The following KCNAB1 variants were observed in gnomAD, a reference collection of about 807,000 sequenced individuals.
KCNAB1 encodes the protein potassium voltage-gated channel subfamily A regulatory beta subunit 1, also known as voltage-gated potassium channel subunit beta-1.
Under a neutral mutation model 64.6 loss-of-function variants are expected in KCNAB1, and 35 were observed. That is an observed-to-expected ratio of 0.54 (90% CI 0.41 to 0.72). The LOEUF (loss-of-function observed/expected upper bound fraction) is 0.72, where lower values mean the gene tolerates loss of function less well. Ranked by LOEUF, KCNAB1 falls within the 30% of genes least tolerant of loss-of-function variation. KCNAB1 has a pLI of 0.00. For missense variants in KCNAB1, 401 were observed against 512.9 expected (o/e 0.78, Z 2.11); for synonymous variants, 177 against 183.8 (o/e 0.96, Z 0.30).
Position 156,536,681 on chromosome 3 carries a change from T to C in KCNAB1, c.1194T>C (p.His398=), listed in dbSNP as rs1388788818. 6.2e-7 allele frequency: 1 copy of C among 1,612,642 alleles called. No homozygotes were observed. Among genetic ancestry groups the C allele is most frequent in the East Asian group, 2.2e-5 (1 of 44,878 alleles). ...AIQVLPKMTS[H]VVNEIDNILR... ...AGGTTCTCCCAAAGATGACATCACA[T>C]GTGGTAAATGAGATTGATAACATAC... Residue 398 remains histidine, a synonymous_variant, in exon 14 of 14, where the codon CAT becomes CAC. Coordinates refer to ENST00000490337, the MANE Select transcript of KCNAB1 (RefSeq NM_172160.3).
intron 1 of KCNAB1, among the ~76,000 whole-genome samples, chr3:156,240,323 T>A (rs945119980): frequency 7.9e-5 from 12 of 152,194 alleles, no homozygotes; most frequent in Admixed American, 2.0e-4. Flanking sequence ...TTTCTTTCTA[T>A]TTTTTCCTTC....
intron 1 of KCNAB1, among the ~76,000 whole-genome samples, chr3:156,310,696 C>T (rs948484013): frequency 1.3e-5 from 2 of 152,068 alleles, no homozygotes; most frequent in South Asian, 2.1e-4. Context: ...CCCAGCTACT[C>T]GGGAGGCTGA....
At chr3:156,481,847 C>T (rs546813054) in intron 8 of KCNAB1, among the ~76,000 whole-genome samples, 2 of 152,202 alleles carry the variant, frequency 1.3e-5, no homozygotes, top group East Asian at 3.9e-4. Context: ...CATAAAGCAC[C>T]ATCTGAATGA....
At chr3:156,130,384 A>T (rs569147701) in intron 1 of KCNAB1, among the ~76,000 whole-genome samples, 19 of 152,194 alleles carry the variant, frequency 1.2e-4, no homozygotes, top group Non-Finnish European at 2.4e-4. Context: ...AAAGTCTATG[A>T]CATCTGCCTT....
In KCNAB1 at chr3:156,268,208, A is replaced by AT. The variant is rs575949167; in HGVS notation, c.275+147328dup. ...TTGTTGCAAATGATAGAATCTCTTT[A>AT]TTTTTTATGGCCGAATAAAATTCCA... On this transcript the variant is annotated intron_variant, in intron 1 of 13. Coordinates refer to ENST00000490337, the MANE Select transcript of KCNAB1 (RefSeq NM_172160.3). Among the ~76,000 whole-genome samples, 16 of 152,180 alleles carry AT rather than the reference A, an allele frequency of 1.1e-4. No individual in the cohort carries two copies. The East Asian group carries it at 1.7e-3, about 17-fold the overall frequency.
At chr3:156,522,758 C>CAG (rs1324837647) in intron 11 of KCNAB1, among the ~76,000 whole-genome samples, 1 of 152,222 alleles carries the variant, frequency 6.6e-6, no homozygotes, top group African/African-American at 2.4e-5. Flanking sequence ...CATGTGGGTG[C>CAG]AGTGTCCATG....
intron 1 of KCNAB1, among the ~76,000 whole-genome samples, chr3:156,377,657 A>G (rs1359520371): frequency 6.6e-6 from 1 of 152,160 alleles, no homozygotes; most frequent in East Asian, 1.9e-4. Flanking sequence ...GAAGAAAGGA[A>G]ATGCCTATTG....
intron 2 of KCNAB1, among the ~76,000 whole-genome samples, chr3:156,435,523 C>T (rs1716528443): frequency 6.6e-6 from 1 of 152,116 alleles, no homozygotes; most frequent in Admixed American, 6.5e-5. Flanking sequence ...GGGTTTTTGT[C>T]AGGCAGGTGC....
intron 1 of KCNAB1, among the ~76,000 whole-genome samples, chr3:156,137,722 T>TG: frequency 6.6e-6 from 1 of 150,938 alleles, no homozygotes; most frequent in East Asian, 2.0e-4. Context: ...ATTTTTTTTT[T>TG]TTTTTGTATT....
intron 2 of KCNAB1, among the ~76,000 whole-genome samples, chr3:156,433,358 C>T (rs959596525): frequency 1.3e-5 from 2 of 152,192 alleles, no homozygotes; most frequent in Admixed American, 6.5e-5. Flanking sequence ...TCAATATACA[C>T]TCATTTATGG....
chr3:156,429,791 A>G (rs1716080500), intron 2 of KCNAB1, among the ~76,000 whole-genome samples: 1 of 152,186 alleles, frequency 6.6e-6, no homozygotes, highest in African/African-American at 2.4e-5. Context: ...GACACTTGAG[A>G]GGTAGTTTTA....
At chr3:156,281,361 G>T (rs1243894167) in intron 1 of KCNAB1, among the ~76,000 whole-genome samples, 10 of 151,980 alleles carry the variant, frequency 6.6e-5, no homozygotes, top group African/African-American at 2.2e-4. Flanking sequence ...GCTGGATTCG[G>T]TTTGCCAGTA....
At chr3:156,162,130 A>G (rs1307736699) in intron 1 of KCNAB1, among the ~76,000 whole-genome samples, 1 of 152,206 alleles carries the variant, frequency 6.6e-6, no homozygotes, top group Non-Finnish European at 1.5e-5. Flanking sequence ...GATTGGGCAC[A>G]TAACAGCCTT....
At chr3:156,223,861 C>T (rs188837491) in intron 1 of KCNAB1, among the ~76,000 whole-genome samples, 214 of 152,364 alleles carry the variant, frequency 1.4e-3, no homozygotes, top group African/African-American at 5.0e-3. Context: ...CAGTGTATCC[C>T]GCACTGGGGC....
chr3:156,160,473 CA>C (rs1199145498), intron 1 of KCNAB1, among the ~76,000 whole-genome samples: 1 of 152,164 alleles, frequency 6.6e-6, no homozygotes, highest in Admixed American at 6.5e-5. Flanking sequence ...GCTCTCACCC[CA>C]CCCCTCAACC....
At position 156,291,971 on chromosome 3, in the gene KCNAB1, C is replaced by G. The variant is rs1720465761; in HGVS notation, c.276-129645C>G. Reference sequence around the variant, plus strand: ...GAGTCGGAATGGTGAGGACCGACTTCTGAGCAAGCAGAGCTCCACCGCCCC... The same window carrying G: ...GAGTCGGAATGGTGAGGACCGACTTGTGAGCAAGCAGAGCTCCACCGCCCC... On this transcript the variant is annotated intron_variant, in intron 1 of 13. Coordinates refer to ENST00000490337, the MANE Select transcript of KCNAB1 (RefSeq NM_172160.3). 6 of 1,614,020 alleles carry G rather than the reference C, an allele frequency of 3.7e-6. No homozygotes were observed. The South Asian group carries it at 6.6e-5, about 18-fold the overall frequency.
chr3:156,137,407 C>G (rs1380264372), intron 1 of KCNAB1, among the ~76,000 whole-genome samples: 1 of 151,992 alleles, frequency 6.6e-6, no homozygotes, highest in African/African-American at 2.4e-5. Flanking sequence ...TAACATGCAC[C>G]CCCTCCCCTA....
At chr3:156,123,354 A>T (rs1713462198) in intron 1 of KCNAB1, among the ~76,000 whole-genome samples, 1 of 152,248 alleles carries the variant, frequency 6.6e-6, no homozygotes, top group Admixed American at 6.5e-5. Flanking sequence ...TTCTTGGAAG[A>T]TGGAATTAAA....
chr3:156,405,767 CATA>C (rs1163281380), intron 1 of KCNAB1, among the ~76,000 whole-genome samples: 4 of 152,144 alleles, frequency 2.6e-5, no homozygotes, highest in African/African-American at 7.2e-5. Flanking sequence ...CAAATAGTTA[CATA>C]ATAACACATC....
Sources: allele counts gnomAD v4.1 joint callset (sites outside exome capture counted in the v4.1 genomes callset), GRCh38; gene constraint gnomAD v4.1.1; transcripts MANE v1.5; gene names NCBI Gene and HGNC (gene_info 2026-07-23, HGNC 2026-07-21).